NWD2: variants seen among roughly 807,000 people sequenced by gnomAD.
The protein encoded by NWD2 is NACHT and WD repeat domain-containing protein 2.
A neutral mutation model predicts 132.7 loss-of-function variants in NWD2; 37 were observed. The ratio of observed to expected loss-of-function variants is 0.28; its 90% CI spans 0.21 to 0.37. The LOEUF (loss-of-function observed/expected upper bound fraction) is 0.37. Ranked by LOEUF, NWD2 falls within the 10% of genes least tolerant of loss-of-function variation. The pLI is 1.00. For synonymous variants in NWD2, 705 were observed against 803.0 expected (o/e 0.88, Z 2.06); for missense variants, 1,592 against 2,122.4 (o/e 0.75, Z 4.91).
intron 2 of NWD2, among the ~76,000 whole-genome samples, chr4:37,334,735 C>T (rs1719364725): frequency 6.6e-6 from 1 of 152,162 alleles, no homozygotes; most frequent in African/African-American, 2.4e-5. Flanking sequence ...CCATCCGAGT[C>T]CAGCCCCTGA....
At position 37,300,398 on chromosome 4, in the gene NWD2, A is replaced by G. The variant is rs1452107083; in HGVS notation, c.152-25538A>G. 2.0e-5 allele frequency among the ~76,000 whole-genome samples: 3 copies of G among 152,126 alleles called. No individual in the cohort carries two copies. The East Asian group carries it at 5.8e-4, about 29-fold the overall frequency. On this transcript the variant is annotated intron_variant, in intron 1 of 6. Coordinates refer to ENST00000309447, the MANE Select transcript of NWD2 (RefSeq NM_001144990.2). ...TAGTGGAGTGTAAAGTTCCAATTAT[A>G]TATTATTCGAATTAGTAGATCTGAA...
rs148816618 is a variant in NWD2 at position 37,425,824 on chromosome 4, G to A, written c.358-4748G>A. 2.4e-4 allele frequency among the ~76,000 whole-genome samples: 37 copies of A among 152,308 alleles called. No homozygotes were observed. In the East Asian group the frequency reaches 6.9e-3, roughly 29 times the overall value. Reference sequence around the variant, plus strand: ...ATGAATACTCTATTGCCAGTGAACAGAGAAGGATGCCTTCTTGCTCATAGC... The same window carrying A: ...ATGAATACTCTATTGCCAGTGAACAAAGAAGGATGCCTTCTTGCTCATAGC... On this transcript the variant is annotated intron_variant, in intron 3 of 6. Transcript: ENST00000309447.
At chr4:37,401,374 C>G (rs968439719) in intron 3 of NWD2, among the ~76,000 whole-genome samples, 3 of 152,132 alleles carry the variant, frequency 2.0e-5, no homozygotes, top group African/African-American at 7.2e-5. Flanking sequence ...CTTCACTGCC[C>G]CAGGATCTTC....
intron 3 of NWD2, among the ~76,000 whole-genome samples, chr4:37,428,550 T>C (rs1013900484): frequency 6.6e-6 from 1 of 152,244 alleles, no homozygotes; most frequent in Non-Finnish European, 1.5e-5. Context: ...TGCTAAAACA[T>C]AAATTGCTCA....
chr4:37,441,837 T>C (rs534602171), intron 6 of NWD2, among the ~76,000 whole-genome samples: 1 of 152,280 alleles, frequency 6.6e-6, no homozygotes, highest in South Asian at 2.1e-4. Context: ...CAGATAGATA[T>C]CTCATTTTTA....
chr4:37,312,110 G>A lies in NWD2; in HGVS notation c.152-13826G>A, dbSNP rs1422454340. Among the ~76,000 whole-genome samples the A allele has an allele frequency of 9.4e-4, 142 of 151,362 alleles. 1 individual carries two copies. Among genetic ancestry groups the A allele is most frequent in the African/African-American group, 3.3e-3 (133 of 40,880 alleles). On this transcript the variant is annotated intron_variant, in intron 1 of 6. Coordinates refer to ENST00000309447, the MANE Select transcript of NWD2 (RefSeq NM_001144990.2). ...TGGCTTAGGATTGACTTGGCGATGC[G>A]GGCTCTTTTTTGGTTCCATATGAAC...
chr4:37,312,721 A>T (rs1295252396), intron 1 of NWD2, among the ~76,000 whole-genome samples: 1 of 150,982 alleles, frequency 6.6e-6, no homozygotes, highest in Non-Finnish European at 1.5e-5. Flanking sequence ...TTTCAAAGGG[A>T]ATGCTTCCAG....
intron 3 of NWD2, among the ~76,000 whole-genome samples, chr4:37,381,920 G>A (rs1560408890): frequency 6.6e-6 from 1 of 152,188 alleles, no homozygotes; most frequent in Admixed American, 6.5e-5. Context: ...TCTTGCTTTT[G>A]TGGGATAACA....
intron 1 of NWD2, among the ~76,000 whole-genome samples, chr4:37,284,007 C>T (rs1489121286): frequency 6.6e-6 from 1 of 152,190 alleles, no homozygotes; most frequent in Non-Finnish European, 1.5e-5. Context: ...ACAATATCCT[C>T]TGGAAGGTCA....
intron 3 of NWD2, among the ~76,000 whole-genome samples, chr4:37,360,357 A>C (rs960869988): frequency 1.7e-4 from 26 of 152,316 alleles, no homozygotes; most frequent in Non-Finnish European, 3.1e-4. Context: ...AAAAATGCTG[A>C]TAATCTAAAT....
chr4:37,345,374 C>G (rs1194712966), intron 2 of NWD2, among the ~76,000 whole-genome samples: 1 of 152,142 alleles, frequency 6.6e-6, no homozygotes, highest in Non-Finnish European at 1.5e-5. Context: ...ACATTCTTGC[C>G]AACACTTGTA....
At chr4:37,402,927 A>G (rs1378211106) in intron 3 of NWD2, among the ~76,000 whole-genome samples, 2 of 152,218 alleles carry the variant, frequency 1.3e-5, no homozygotes, top group Non-Finnish European at 2.9e-5. Flanking sequence ...CATAGCATAG[A>G]CAACTGTACT....
chr4:37,295,600 C>A (rs1473244110), intron 1 of NWD2, among the ~76,000 whole-genome samples: 29 of 152,182 alleles, frequency 1.9e-4, no homozygotes. Context: ...GGCACAAAAT[C>A]TGGCTATTCC....
chr4:37,416,193 C>T (rs899772178), intron 3 of NWD2, among the ~76,000 whole-genome samples: 1 of 152,146 alleles, frequency 6.6e-6, no homozygotes, highest in Non-Finnish European at 1.5e-5. Context: ...GGGTAGGGAC[C>T]GAGCCAACTG....
At chr4:37,353,573 C>T (rs1719813045) in intron 2 of NWD2, among the ~76,000 whole-genome samples, 1 of 151,922 alleles carries the variant, frequency 6.6e-6, no homozygotes, top group Non-Finnish European at 1.5e-5. Flanking sequence ...ATCTTGTCTT[C>T]ATGCTTTATT....
At chr4:37,383,598 A>C (rs1720502793) in intron 3 of NWD2, among the ~76,000 whole-genome samples, 1 of 152,102 alleles carries the variant, frequency 6.6e-6, no homozygotes, top group African/African-American at 2.4e-5. Context: ...CATAGAAAAC[A>C]CCTGCATGCC....
At chr4:37,373,115 A>G (rs1720264529) in intron 3 of NWD2, among the ~76,000 whole-genome samples, 1 of 152,234 alleles carries the variant, frequency 6.6e-6, no homozygotes, top group South Asian at 2.1e-4. Flanking sequence ...GCCAGGTGCT[A>G]TTCTGCATTT....
chr4:37,299,853 C>A (rs958220978), intron 1 of NWD2, among the ~76,000 whole-genome samples: 6 of 151,996 alleles, frequency 3.9e-5, no homozygotes, highest in African/African-American at 1.2e-4. Context: ...CTTTCTTTTC[C>A]ATTTGATTAT....
chr4:37,314,698 G>C (rs112047948), intron 1 of NWD2, among the ~76,000 whole-genome samples: 106 of 152,102 alleles, frequency 7.0e-4, no homozygotes, highest in African/African-American at 2.4e-3. Context: ...GTTGATAATT[G>C]TACTGATCTT....
Sources: allele counts gnomAD v4.1 joint callset (sites outside exome capture counted in the v4.1 genomes callset), GRCh38; gene constraint gnomAD v4.1.1; transcripts MANE v1.5; gene names NCBI Gene and HGNC (gene_info 2026-07-23, HGNC 2026-07-21).